PCDHA1: variants seen among roughly 807,000 people sequenced by gnomAD.
PCDHA1 encodes the protein protocadherin alpha 1.
In PCDHA1, 42 loss-of-function variants were observed where a neutral mutation model predicts 61.3. The ratio of observed to expected loss-of-function variants is 0.69; its 90% CI spans 0.54 to 0.89. PCDHA1 has a LOEUF of 0.89. PCDHA1 is among the 40% of genes least tolerant of loss of function. The pLI is 0.00. For synonymous variants in PCDHA1, 610 were observed against 553.8 expected, an observed-to-expected ratio of 1.10 and a Z score of -1.43; for missense variants, 1,256 against 1,235.3, an observed-to-expected ratio of 1.02 and a Z score of -0.25.
chr5:140,941,255 C>CTT (rs782490896), intron 1 of PCDHA1, among the ~76,000 whole-genome samples: 1,945 of 44,372 alleles, frequency 0.044, 20 homozygotes, highest in African/African-American at 0.075. Flanking sequence ...TTCTTTCTTT[C>CTT]TCTTTCTTTC....
intron 1 of PCDHA1, among the ~76,000 whole-genome samples, chr5:140,963,630 C>T (rs1370293911): frequency 3.3e-5 from 5 of 152,140 alleles, no homozygotes; most frequent in African/African-American, 1.2e-4. Flanking sequence ...TTGTTGCATA[C>T]GCATCTTCCC....
At chr5:140,802,078 A>G (rs782606319) in intron 1 of PCDHA1, 1 of 1,614,206 alleles carries the variant, frequency 6.2e-7, no homozygotes, top group African/African-American at 1.3e-5. Flanking sequence ...TCAAAATTCC[A>G]TTTAGATCCA....
At position 140,843,595 on chromosome 5, in the gene PCDHA1, G is replaced by GTT. The variant is rs1423829570; in HGVS notation, c.2394+54912_2394+54913insTT. On this transcript the variant is annotated intron_variant, in intron 1 of 3. Coordinates refer to ENST00000504120, the MANE Select transcript of PCDHA1 (RefSeq NM_018900.4). ...ACTCGCAACAACAGCCGCAGAGGGT[G>GTT]TGCTCTGGTGAGGGGCCACCGAAGA... The GTT allele has an allele frequency of 1.2e-5, 19 of 1,595,984 alleles. 3 individuals carry two copies. The highest frequency in any genetic ancestry group is 1.5e-5 in the Non-Finnish European group (18 of 1,165,530).
At chr5:140,975,027 C>G (rs1235916815) in intron 1 of PCDHA1, among the ~76,000 whole-genome samples, 1 of 152,082 alleles carries the variant, frequency 6.6e-6, no homozygotes, top group Non-Finnish European at 1.5e-5. Flanking sequence ...GCTGTGTTGT[C>G]CTTTGCAGGC....
intron 1 of PCDHA1, chr5:140,883,019 G>A (rs1554176509): frequency 1.2e-6 from 2 of 1,613,986 alleles, no homozygotes; most frequent in South Asian, 1.1e-5. Flanking sequence ...TAAAGTGACG[G>A]TGTTAGAGAA....
intron 1 of PCDHA1, among the ~76,000 whole-genome samples, chr5:140,938,921 T>C (rs2092266107): frequency 6.6e-6 from 1 of 151,840 alleles, no homozygotes; most frequent in Non-Finnish European, 1.5e-5. Context: ...GCACAAGAAA[T>C]TGGCTTTTAA....
chr5:140,941,224 T>TTTCTTTCTTTCTTTCTTTCTTTCC (rs2092912857), intron 1 of PCDHA1, among the ~76,000 whole-genome samples: 1 of 137,372 alleles, frequency 7.3e-6, no homozygotes, highest in Non-Finnish European at 1.6e-5. Context: ...CCTTTCTTTC[T>TTTCTTTCTTTCTTTCTTTCTTTCC]TTCTTTCTTT....
intron 3 of PCDHA1, among the ~76,000 whole-genome samples, chr5:141,001,710 G>A (rs1422821009): frequency 6.6e-6 from 1 of 152,208 alleles, no homozygotes; most frequent in Non-Finnish European, 1.5e-5. Flanking sequence ...AGGGGGCGGG[G>A]AAGGAGCTTG....
At chr5:140,915,469 A>G (rs2077137068) in intron 1 of PCDHA1, among the ~76,000 whole-genome samples, 1 of 152,034 alleles carries the variant, frequency 6.6e-6, no homozygotes, top group Admixed American at 6.6e-5. Context: ...TTTTTATTTG[A>G]AGGAGCTTGG....
intron 1 of PCDHA1, among the ~76,000 whole-genome samples, chr5:140,941,907 CT>C (rs1379926904): frequency 7.2e-5 from 11 of 152,106 alleles, no homozygotes; most frequent in African/African-American, 2.7e-4. Context: ...CATTGAAATG[CT>C]TTTATGTATA....
At chr5:140,802,483 A>C (rs998632844) in intron 1 of PCDHA1, 5 of 1,614,118 alleles carry the variant, frequency 3.1e-6, no homozygotes, top group Non-Finnish European at 4.2e-6. Flanking sequence ...ACTGCTCGGG[A>C]CGGGGGCTCG....
chr5:140,868,090 T>C (rs2050270367), intron 1 of PCDHA1: 2 of 152,144 alleles, frequency 1.3e-5, no homozygotes, highest in Non-Finnish European at 2.9e-5. Flanking sequence ...TTTTATAAAA[T>C]GATAATAAAA....
chr5:140,853,133 C>T (rs1646376725), intron 1 of PCDHA1: 1 of 642,274 alleles, frequency 1.6e-6, no homozygotes, highest in Non-Finnish European at 2.0e-6. Flanking sequence ...CCCGCCTCAG[C>T]CTCCCAAAAT....
intron 1 of PCDHA1, chr5:140,800,917 T>G: frequency 1.6e-6 from 1 of 625,972 alleles, no homozygotes. Flanking sequence ...ATATTACAAT[T>G]GAAACTAGAA....
chr5:140,962,087 A>G (rs1284028102), intron 1 of PCDHA1, among the ~76,000 whole-genome samples: 10 of 151,912 alleles, frequency 6.6e-5, no homozygotes, highest in Non-Finnish European at 1.3e-4. Flanking sequence ...GGGTTTCACC[A>G]TGTTAGCCAG....
intron 2 of PCDHA1, chr5:140,982,212 C>A: frequency 2.1e-6 from 1 of 479,448 alleles, no homozygotes; most frequent in Non-Finnish European, 3.3e-6. Flanking sequence ...GTGAGCGCCA[C>A]ATGGCGTTAA....
chr5:140,828,187 C>A (rs2150152114), intron 1 of PCDHA1: 1 of 1,614,148 alleles, frequency 6.2e-7, no homozygotes, highest in Non-Finnish European at 8.5e-7. Context: ...GCCAGCTCCA[C>A]TACTCCGTAC....
intron 1 of PCDHA1, chr5:140,808,771 A>G (rs144593807): frequency 0.05 from 81,271 of 1,612,206 alleles, 2,409 homozygotes; most frequent in Middle Eastern, 0.074. Context: ...ACGAGGAGCT[A>G]GAGCTGCTGC....
intron 1 of PCDHA1, chr5:140,835,661 C>G: frequency 6.2e-7 from 1 of 1,613,886 alleles, no homozygotes; most frequent in Non-Finnish European, 8.5e-7. Flanking sequence ...TGGTGGTTAC[C>G]GCGCGGGACG....
Sources: gnomAD v4.1 joint callset for allele counts (sites outside exome capture counted in the v4.1 genomes callset) on GRCh38, gnomAD v4.1.1 for gene constraint, MANE v1.5 for transcripts, NCBI Gene and HGNC (gene_info 2026-07-23, HGNC 2026-07-21) for gene names.